FAR2: variants seen among roughly 807,000 people sequenced by gnomAD.
The protein encoded by FAR2 is fatty acyl-CoA reductase 2, also known as epididymis secretory protein Li 81.
A neutral mutation model predicts 56.0 loss-of-function variants in FAR2; 19 were observed. The observed-to-expected ratio is 0.34, with a 90% CI of 0.24 to 0.50. The LOEUF is 0.50. Among genes scored for constraint, FAR2 ranks in the 20% least tolerant of loss-of-function variants. FAR2 has a pLI of 0.98. For synonymous variants in FAR2, 219 were observed against 218.8 expected, an observed-to-expected ratio of 1.00 and a Z score of -0.01; for missense variants, 508 against 642.2, an observed-to-expected ratio of 0.79 and a Z score of 2.26.
At chr12:29,188,439 G>T (rs1950065651) in intron 1 of FAR2, among the ~76,000 whole-genome samples, 1 of 151,964 alleles carries the variant, frequency 6.6e-6, no homozygotes, top group Non-Finnish European at 1.5e-5. Flanking sequence ...TTTTTAAGAT[G>T]AACTTAGGGA....
chr12:29,288,137 G>C lies in FAR2; in HGVS notation c.190-5163G>C, dbSNP rs188063334. Reference sequence around the variant, plus strand: ...AAATTAAGGAGAGAAATACTTGCCTGTGTAATGGCAAGTCAATGGAACACT... The same window carrying C: ...AAATTAAGGAGAGAAATACTTGCCTCTGTAATGGCAAGTCAATGGAACACT... On this transcript the variant is annotated intron_variant, in intron 2 of 11. Coordinates refer to ENST00000536681, the MANE Select transcript of FAR2 (RefSeq NM_001271783.2). 6.0e-4 allele frequency among the ~76,000 whole-genome samples: 92 copies of C among 152,266 alleles called. 1 individual carries two copies. Among genetic ancestry groups the C allele is most frequent in the African/African-American group, 2.1e-3 (87 of 41,548 alleles).
chr12:29,272,530 C>CT (rs1249167150), intron 2 of FAR2, among the ~76,000 whole-genome samples: 1 of 152,206 alleles, frequency 6.6e-6, no homozygotes, highest in African/African-American at 2.4e-5. Context: ...AGCAATTCCT[C>CT]TAACTTTTTA....
chr12:29,227,894 G>A (rs1330144241), intron 1 of FAR2, among the ~76,000 whole-genome samples: 2 of 149,016 alleles, frequency 1.3e-5, no homozygotes, highest in Non-Finnish European at 3.0e-5. Flanking sequence ...AAAAAAAATT[G>A]GCTTCCATTT....
intron 1 of FAR2, among the ~76,000 whole-genome samples, chr12:29,194,600 T>A (rs1159329625): frequency 6.6e-6 from 1 of 151,578 alleles, no homozygotes; most frequent in Non-Finnish European, 1.5e-5. Flanking sequence ...CCCATAATGA[T>A]GCTTTCTGGA....
chr12:29,306,029 C>G (rs1365628932), intron 4 of FAR2, among the ~76,000 whole-genome samples: 1 of 151,392 alleles, frequency 6.6e-6, no homozygotes, highest in Non-Finnish European at 1.5e-5. Flanking sequence ...TTTATTCCCT[C>G]AAGACCTGGT....
chr12:29,199,452 T>C (rs1488526388), intron 1 of FAR2, among the ~76,000 whole-genome samples: 3 of 151,412 alleles, frequency 2.0e-5, no homozygotes, highest in Non-Finnish European at 1.5e-5. Context: ...ACAAAAAAAT[T>C]AGCCGGGCGT....
At chr12:29,169,122 A>G (rs1341398508) in intron 1 of FAR2, among the ~76,000 whole-genome samples, 2 of 152,146 alleles carry the variant, frequency 1.3e-5, no homozygotes, top group African/African-American at 4.8e-5. Flanking sequence ...AAAGTTCTCC[A>G]AGTCCCCACT....
At chr12:29,256,328 C>G (rs544466216) in intron 1 of FAR2, among the ~76,000 whole-genome samples, 1 of 152,150 alleles carries the variant, frequency 6.6e-6, no homozygotes, top group Non-Finnish European at 1.5e-5. Context: ...GCTGAGATTA[C>G]AGGCATGTGC....
At chr12:29,219,269 G>A (rs1342278166) in intron 1 of FAR2, among the ~76,000 whole-genome samples, 1 of 152,078 alleles carries the variant, frequency 6.6e-6, no homozygotes, top group Non-Finnish European at 1.5e-5. Flanking sequence ...CAAACAGCCT[G>A]GCCCATAGTA....
At chr12:29,316,473 C>T (rs534499066) in intron 8 of FAR2, among the ~76,000 whole-genome samples, 1 of 152,266 alleles carries the variant, frequency 6.6e-6, no homozygotes, top group African/African-American at 2.4e-5. Flanking sequence ...AATGGTCCAG[C>T]CAGGGAAATA....
intron 1 of FAR2, among the ~76,000 whole-genome samples, chr12:29,243,397 G>A (rs943790191): frequency 6.6e-6 from 1 of 152,160 alleles, no homozygotes; most frequent in Non-Finnish European, 1.5e-5. Flanking sequence ...TCCTGGGCAA[G>A]TTGCTACCGG....
intron 1 of FAR2, among the ~76,000 whole-genome samples, chr12:29,244,358 G>A (rs1238395663): frequency 6.6e-6 from 1 of 152,214 alleles, no homozygotes; most frequent in African/African-American, 2.4e-5. Context: ...TCAGTGTGAA[G>A]TGGTGCCAAC....
At chr12:29,160,843 A>G (rs1294838810) in intron 1 of FAR2, among the ~76,000 whole-genome samples, 1 of 152,024 alleles carries the variant, frequency 6.6e-6, no homozygotes, top group Non-Finnish European at 1.5e-5. Flanking sequence ...CTCCAGTATG[A>G]CCTCATCTTA....
intron 1 of FAR2, among the ~76,000 whole-genome samples, chr12:29,180,384 T>G (rs1313982728): frequency 6.6e-6 from 1 of 152,126 alleles, no homozygotes; most frequent in Non-Finnish European, 1.5e-5. Context: ...TCTGAGTTCT[T>G]TGCTTCTTCC....
chr12:29,218,214 C>A (rs1056814642), intron 1 of FAR2, among the ~76,000 whole-genome samples: 3 of 151,962 alleles, frequency 2.0e-5, no homozygotes, highest in African/African-American at 7.3e-5. Flanking sequence ...AAAAAATTAA[C>A]CAGGTATGAT....
chr12:29,203,594 T>A (rs1465505078), intron 1 of FAR2, among the ~76,000 whole-genome samples: 1 of 152,232 alleles, frequency 6.6e-6, no homozygotes, highest in Non-Finnish European at 1.5e-5. Flanking sequence ...CCCACAATAT[T>A]GTTTTACCTG....
At chr12:29,309,565 G>C (rs941450050) in intron 6 of FAR2, among the ~76,000 whole-genome samples, 2 of 152,118 alleles carry the variant, frequency 1.3e-5, no homozygotes, top group African/African-American at 4.8e-5. Flanking sequence ...AATTAGTGCA[G>C]TGAATTGAGG....
chr12:29,240,934 T>G (rs1413372881), intron 1 of FAR2, among the ~76,000 whole-genome samples: 2 of 152,088 alleles, frequency 1.3e-5, no homozygotes, highest in African/African-American at 4.8e-5. Context: ...GCCTCCTGAG[T>G]AGCTGGAATT....
intron 1 of FAR2, among the ~76,000 whole-genome samples, chr12:29,205,851 T>A (rs1223160865): frequency 5.5e-5 from 8 of 146,438 alleles, no homozygotes; most frequent in African/African-American, 2.0e-4. Flanking sequence ...TTTTTTTTTT[T>A]AATTAGCTGT....
Sources: allele counts gnomAD v4.1 joint callset (sites outside exome capture counted in the v4.1 genomes callset), GRCh38; gene constraint gnomAD v4.1.1; transcripts MANE v1.5; gene names NCBI Gene and HGNC (gene_info 2026-07-23, HGNC 2026-07-21).